Variants in NCKAP5 observed in about 807,000 individuals in gnomAD.
NCKAP5 encodes NCK associated protein 5.
Under a neutral mutation model 167.0 loss-of-function variants are expected in NCKAP5, and 92 were observed. That is an observed-to-expected ratio of 0.55 (90% CI 0.47 to 0.66). The LOEUF is 0.66. Ranked by LOEUF, NCKAP5 falls within the 30% of genes least tolerant of loss-of-function variation. NCKAP5 has a pLI of 0.00. For missense variants in NCKAP5, 2,378 were observed against 2,315.0 expected (o/e 1.03, Z -0.56); for synonymous variants, 891 against 877.4 (o/e 1.02, Z -0.27).
At chr2:133,558,119 T>C (rs1215015647) in intron 2 of NCKAP5, 3 of 152,284 alleles carry the variant, frequency 2.0e-5, no homozygotes, top group Admixed American at 2.0e-4. Flanking sequence ...TACTCTCCAC[T>C]CTACCATGCT....
At chr2:133,408,308 T>C (rs1055209367) in intron 3 of NCKAP5, among the ~76,000 whole-genome samples, 4 of 152,142 alleles carry the variant, frequency 2.6e-5, no homozygotes, top group Non-Finnish European at 4.4e-5. Flanking sequence ...TAATGGATTT[T>C]TGCATGGCAT....
intron 3 of NCKAP5, among the ~76,000 whole-genome samples, chr2:133,431,429 T>C (rs1227310515): frequency 6.6e-6 from 1 of 152,132 alleles, no homozygotes. Context: ...AGGAGAGAGG[T>C]GTAGACAACC....
At chr2:133,655,684 G>A in the NCKAP5 span, among the ~76,000 whole-genome samples, 1 of 152,184 alleles carries the variant, frequency 6.6e-6, no homozygotes, top group Non-Finnish European at 1.5e-5. Context: ...TAGATAATAG[G>A]CAATGCAACC....
intron 3 of NCKAP5, among the ~76,000 whole-genome samples, chr2:133,464,993 G>A (rs1414206635): frequency 6.6e-6 from 1 of 151,214 alleles, no homozygotes; most frequent in Non-Finnish European, 1.5e-5. Context: ...AATAGTATCT[G>A]GCACTGCTTT....
At chr2:133,577,611 C>T in the NCKAP5 span, among the ~76,000 whole-genome samples, 5 of 152,034 alleles carry the variant, frequency 3.3e-5, no homozygotes, top group Non-Finnish European at 7.4e-5. Context: ...TGGTGTGCTG[C>T]ACCCATTAAC....
At chr2:133,601,664 C>T in the NCKAP5 span, among the ~76,000 whole-genome samples, 19 of 152,134 alleles carry the variant, frequency 1.2e-4, 1 homozygote, top group East Asian at 5.8e-4. Context: ...ACCCTGGAGG[C>T]GGAGGTTGCA....
chr2:133,470,364 C>A (rs918924302), intron 3 of NCKAP5, among the ~76,000 whole-genome samples: 3 of 152,276 alleles, frequency 2.0e-5, no homozygotes, highest in African/African-American at 4.8e-5. Context: ...GGCAGTCTGC[C>A]GGTTCCCAGA....
intron 5 of NCKAP5, among the ~76,000 whole-genome samples, chr2:133,141,301 A>T (rs1404115889): frequency 6.6e-6 from 1 of 152,092 alleles, no homozygotes; most frequent in Non-Finnish European, 1.5e-5. Flanking sequence ...ATTTCTGAGA[A>T]GATGTGCAGG....
At chr2:133,672,961 C>G in the NCKAP5 span, among the ~76,000 whole-genome samples, 1 of 152,224 alleles carries the variant, frequency 6.6e-6, no homozygotes, top group Non-Finnish European at 1.5e-5. Flanking sequence ...CCTCTCAGCT[C>G]TAATTCCATG....
chr2:132,983,983 A>T (rs866253871), intron 7 of NCKAP5, among the ~76,000 whole-genome samples: 1 of 152,188 alleles, frequency 6.6e-6, no homozygotes, highest in Non-Finnish European at 1.5e-5. Context: ...AAAACTAAGC[A>T]TGGTGGCTCA....
intron 3 of NCKAP5, among the ~76,000 whole-genome samples, chr2:133,510,185 A>T (rs1400419655): frequency 6.6e-6 from 1 of 152,146 alleles, no homozygotes; most frequent in Admixed American, 6.5e-5. Flanking sequence ...GGGAATGTGC[A>T]GCCATTTGAT....
chr2:133,439,166 C>T lies in NCKAP5; in HGVS notation c.69+78292G>A, dbSNP rs74820463. Among the ~76,000 whole-genome samples the T allele has an allele frequency of 1.3e-3, 205 of 152,232 alleles. 2 individuals are homozygous for T. The East Asian group carries it at 0.018, about 13-fold the overall frequency. On this transcript the variant is annotated intron_variant, in intron 3 of 19. Coordinates refer to ENST00000409261, the MANE Select transcript of NCKAP5 (RefSeq NM_207363.3). The stretch of plus-strand genomic sequence containing the variant: ...TATTAATCCTGATCTCGGGATATTA[C>T]GCTAAATATTTGACAGGAATCCAAA...
At chr2:133,529,062 A>G (rs1278688497) in intron 2 of NCKAP5, among the ~76,000 whole-genome samples, 1 of 152,204 alleles carries the variant, frequency 6.6e-6, no homozygotes, top group Non-Finnish European at 1.5e-5. Flanking sequence ...TCTTGTGAGA[A>G]AGTTTCCACA....
chr2:133,338,746 G>A lies in NCKAP5; in HGVS notation c.70-35636C>T, dbSNP rs540295979. Among the ~76,000 whole-genome samples the A allele has an allele frequency of 1.2e-4, 19 of 152,240 alleles. 1 individual carries two copies. The highest frequency in any genetic ancestry group is 2.4e-4 in the Non-Finnish European group (16 of 68,016). On this transcript the variant is annotated intron_variant, in intron 3 of 19. Transcript: ENST00000409261. Reference sequence around the variant, plus strand: ...GCCATGGCCAGGCATGGTGGCTGACGCCTGTAATCCTAGCACTTTGGGAGG... The same window carrying A: ...GCCATGGCCAGGCATGGTGGCTGACACCTGTAATCCTAGCACTTTGGGAGG...
chr2:132,887,733 A>C (rs562736468), intron 8 of NCKAP5, among the ~76,000 whole-genome samples: 160 of 152,248 alleles, frequency 1.1e-3, no homozygotes, highest in African/African-American at 3.8e-3. Context: ...TGCATACTCA[A>C]ACTCCTGGGT....
At chr2:133,469,616 G>C (rs1692887583) in intron 3 of NCKAP5, among the ~76,000 whole-genome samples, 1 of 152,128 alleles carries the variant, frequency 6.6e-6, no homozygotes, top group Non-Finnish European at 1.5e-5. Context: ...TTTCCAACTT[G>C]CTTCCATTCT....
intron 3 of NCKAP5, among the ~76,000 whole-genome samples, chr2:133,418,152 C>T (rs1218192894): frequency 1.3e-5 from 2 of 152,196 alleles, no homozygotes; most frequent in African/African-American, 4.8e-5. Flanking sequence ...CAGAGGCTAG[C>T]ATCAGAAGCT....
chr2:133,054,324 A>G (rs1039254323), intron 6 of NCKAP5, among the ~76,000 whole-genome samples: 3 of 152,214 alleles, frequency 2.0e-5, no homozygotes, highest in African/African-American at 7.2e-5. Flanking sequence ...TAACCATAGA[A>G]CAAAGCCAAA....
chr2:132,728,684 TG>T (rs1690699853), intron 18 of NCKAP5, 131 bp downstream of exon 18: 1 of 1,198,680 alleles, frequency 8.3e-7, no homozygotes, highest in Non-Finnish European at 1.2e-6. Context: ...CCCTAGACCT[TG>T]GTTTATATTC....
Sources: gnomAD v4.1 joint callset for allele counts (sites outside exome capture counted in the v4.1 genomes callset) on GRCh38, gnomAD v4.1.1 for gene constraint, MANE v1.5 for transcripts, NCBI Gene and HGNC (gene_info 2026-07-23, HGNC 2026-07-21) for gene names.